TTC29: variants seen among roughly 807,000 people sequenced by gnomAD.
TTC29 encodes the protein tetratricopeptide repeat protein 29.
TTC29 carries 49 observed loss-of-function variants against 58.1 expected under a neutral mutation model. The observed-to-expected ratio is 0.84, with a 90% CI of 0.67 to 1.07. TTC29 has a LOEUF of 1.07. Among genes scored for constraint, TTC29 ranks in the 50% least tolerant of loss-of-function variants. The probability of loss-of-function intolerance (pLI) is 0.00; values close to 1 mark genes in which losing one functional copy is unlikely to be tolerated. For synonymous variants in TTC29, 209 were observed against 196.8 expected, an observed-to-expected ratio of 1.06 and a Z score of -0.52; for missense variants, 582 against 555.6, an observed-to-expected ratio of 1.05 and a Z score of -0.48.
chr4:146,720,133 G>C (rs926153962), intron 11 of TTC29, among the ~76,000 whole-genome samples: 1 of 151,944 alleles, frequency 6.6e-6, no homozygotes, highest in African/African-American at 2.4e-5. Flanking sequence ...TTTAATCCTA[G>C]ATATATAAAA....
intron 4 of TTC29, among the ~76,000 whole-genome samples, chr4:146,916,374 T>C (rs1192758804): frequency 6.6e-6 from 1 of 151,324 alleles, no homozygotes; most frequent in African/African-American, 2.4e-5. Flanking sequence ...AATTTGAGAG[T>C]GTTTAAAATG....
At chr4:146,861,454 C>A (rs555864205) in intron 8 of TTC29, among the ~76,000 whole-genome samples, 3 of 152,274 alleles carry the variant, frequency 2.0e-5, no homozygotes, top group South Asian at 2.1e-4. Flanking sequence ...ACCCCTTGCA[C>A]AGATTTATTA....
chr4:146,876,630 G>A (rs1320043008), intron 6 of TTC29, among the ~76,000 whole-genome samples: 2 of 151,982 alleles, frequency 1.3e-5, no homozygotes, highest in Non-Finnish European at 2.9e-5. Context: ...ATCAGTAAAC[G>A]GTCTGTAGAA....
In TTC29 at chr4:146,728,049, G is replaced by T. The variant is rs557016401; in HGVS notation, c.1331-20498C>A. On this transcript the variant is annotated intron_variant, in intron 11 of 12. Coordinates refer to ENST00000325106, the MANE Select transcript of TTC29 (RefSeq NM_031956.4). Reference sequence around the variant, plus strand: ...TGCCTGTAATCCCAGCATTTTGGGAGGCCAAGGTGGGTGGGTCACCTGAGG... The same window carrying T: ...TGCCTGTAATCCCAGCATTTTGGGATGCCAAGGTGGGTGGGTCACCTGAGG... 8.5e-4 allele frequency among the ~76,000 whole-genome samples: 130 copies of T among 152,248 alleles called. 1 individual carries two copies. The Middle Eastern group carries it at 0.01, about 12-fold the overall frequency.
At chr4:146,859,431 C>T (rs559571596) in intron 8 of TTC29, among the ~76,000 whole-genome samples, 4 of 151,904 alleles carry the variant, frequency 2.6e-5, no homozygotes, top group Non-Finnish European at 5.9e-5. Context: ...GAATTTCTTA[C>T]ATATAGTGTA....
At chr4:146,878,048 G>A (rs565112839) in intron 6 of TTC29, among the ~76,000 whole-genome samples, 10 of 152,208 alleles carry the variant, frequency 6.6e-5, no homozygotes, top group African/African-American at 2.2e-4. Context: ...TCCGCCAGAC[G>A]TCCTCTGTGT....
chr4:146,936,260 A>C (rs2150328564), intron 4 of TTC29, among the ~76,000 whole-genome samples: 1 of 152,284 alleles, frequency 6.6e-6, no homozygotes, highest in South Asian at 2.1e-4. Context: ...TCTTAGATAA[A>C]ATTTTTCTTC....
At chr4:146,772,994 C>A (rs189106054) in intron 11 of TTC29, among the ~76,000 whole-genome samples, 1 of 152,088 alleles carries the variant, frequency 6.6e-6, no homozygotes, top group Non-Finnish European at 1.5e-5. Flanking sequence ...ATGAATGAGA[C>A]TGCTTTATTG....
chr4:146,849,334 G>A (rs939922592), intron 8 of TTC29, among the ~76,000 whole-genome samples: 2 of 152,110 alleles, frequency 1.3e-5, no homozygotes, highest in African/African-American at 2.4e-5. Context: ...ATTTGAACTG[G>A]GTTCATTGGA....
In TTC29 at chr4:146,728,813, A is replaced by G. The variant is rs1292408536; in HGVS notation, c.1331-21262T>C. Reference sequence around the variant, plus strand: ...TATATACGTATATATACACATATATATGTGTATATATACATATATATACAC... The same window carrying G: ...TATATACGTATATATACACATATATGTGTGTATATATACATATATATACAC... On this transcript the variant is annotated intron_variant, in intron 11 of 12. Transcript: ENST00000325106. 1.1e-3 allele frequency among the ~76,000 whole-genome samples: 60 copies of G among 52,436 alleles called. 1 individual carries two copies. The highest frequency in any genetic ancestry group is 2.0e-3 in the African/African-American group (51 of 25,540). 34.4% of individuals were successfully genotyped at this position (52,436 alleles called of 152,430 possible). A position where few individuals can be genotyped will look rare whatever the true frequency, so the allele number is the denominator to read the frequency against.
At chr4:146,800,355 GT>G (rs1325531504) in intron 11 of TTC29, among the ~76,000 whole-genome samples, 1 of 152,170 alleles carries the variant, frequency 6.6e-6, no homozygotes, top group Non-Finnish European at 1.5e-5. Context: ...CTAATGATTT[GT>G]TTGGAGGATG....
chr4:146,878,888 T>C (rs1434186182), intron 6 of TTC29, among the ~76,000 whole-genome samples: 1 of 152,064 alleles, frequency 6.6e-6, no homozygotes, highest in African/African-American at 2.4e-5. Context: ...GTGACATCTG[T>C]GGGGGGCTCT....
intron 4 of TTC29, among the ~76,000 whole-genome samples, chr4:146,923,516 A>G (rs1734733048): frequency 6.6e-6 from 1 of 151,850 alleles, no homozygotes; most frequent in African/African-American, 2.4e-5. Flanking sequence ...ACTAAAAAAA[A>G]GTTTCTTTAT....
intron 8 of TTC29, among the ~76,000 whole-genome samples, chr4:146,837,472 T>C (rs1312398711): frequency 1.3e-5 from 2 of 152,080 alleles, no homozygotes; most frequent in African/African-American, 4.8e-5. Flanking sequence ...ATAACAATCC[T>C]GCACATGTAC....
intron 8 of TTC29, among the ~76,000 whole-genome samples, chr4:146,849,102 C>T (rs777038219): frequency 2.0e-5 from 3 of 152,092 alleles, no homozygotes; most frequent in Non-Finnish European, 2.9e-5. Flanking sequence ...ACCCTTGAGC[C>T]CCAGTCCCTG....
chr4:146,816,496 G>A (rs886374442), intron 10 of TTC29, among the ~76,000 whole-genome samples: 1 of 152,036 alleles, frequency 6.6e-6, no homozygotes, highest in African/African-American at 2.4e-5. Context: ...GGCAGGGGAG[G>A]ACTCGAAAAA....
intron 11 of TTC29, among the ~76,000 whole-genome samples, chr4:146,795,385 C>T (rs1749766098): frequency 6.6e-6 from 1 of 152,192 alleles, no homozygotes; most frequent in South Asian, 2.1e-4. Flanking sequence ...GGCCCACTGA[C>T]CCATCACCAG....
chr4:146,852,401 C>T (rs1034692635), intron 8 of TTC29, among the ~76,000 whole-genome samples: 2 of 152,146 alleles, frequency 1.3e-5, no homozygotes, highest in Non-Finnish European at 2.9e-5. Context: ...TAGTTAGAGG[C>T]GTGGGCTCCT....
At chr4:146,898,267 T>C (rs141689995) in intron 6 of TTC29, among the ~76,000 whole-genome samples, 1 of 152,274 alleles carries the variant, frequency 6.6e-6, no homozygotes, top group East Asian at 1.9e-4. Context: ...CAGAAGTCTG[T>C]TGCTGGGTCT....
Sources: allele counts gnomAD v4.1 joint callset (sites outside exome capture counted in the v4.1 genomes callset), GRCh38; gene constraint gnomAD v4.1.1; transcripts MANE v1.5; gene names NCBI Gene and HGNC (gene_info 2026-07-23, HGNC 2026-07-21).